The following CUEDC1 variants were observed in gnomAD, a reference collection of about 807,000 sequenced individuals.
The protein encoded by CUEDC1 is CUE domain-containing protein 1.
CUEDC1 carries 30 observed loss-of-function variants against 43.7 expected under a neutral mutation model. The observed-to-expected ratio is 0.69, with a 90% CI of 0.51 to 0.93. CUEDC1 has a LOEUF of 0.93. Ranked by LOEUF, CUEDC1 falls within the 40% of genes least tolerant of loss-of-function variation. The pLI is 0.00. For synonymous variants in CUEDC1, 223 were observed against 223.6 expected (o/e 1.00, Z 0.02); for missense variants, 486 against 549.0 (o/e 0.89, Z 1.15).
chr17:57,910,325 A>G (rs1027259222), intron 1 of CUEDC1, among the ~76,000 whole-genome samples: 3 of 152,202 alleles, frequency 2.0e-5, no homozygotes, highest in African/African-American at 7.2e-5. Flanking sequence ...AAGAAAAAGT[A>G]CACCTGAAAG....
intron 1 of CUEDC1, among the ~76,000 whole-genome samples, chr17:57,912,027 C>G (rs897475983): frequency 2.6e-5 from 4 of 152,206 alleles, no homozygotes; most frequent in Admixed American, 6.5e-5. Context: ...AGATAAAAAC[C>G]TCTTTTCTTC....
At chr17:57,867,166 AG>A in intron 9 of CUEDC1, 190 bp downstream of exon 9, 2 of 624,028 alleles carry the variant, frequency 3.2e-6, no homozygotes, top group Non-Finnish European at 5.8e-6. Context: ...GCCCCTTTTC[AG>A]GGGTTGCAGA....
At chr17:57,865,607 G>A (rs904440270) in intron 10 of CUEDC1, among the ~76,000 whole-genome samples, 1 of 152,138 alleles carries the variant, frequency 6.6e-6, no homozygotes, top group African/African-American at 2.4e-5. Flanking sequence ...AACTCCTGGA[G>A]GAGGCCTTGG....
chr17:57,953,196 C>A (rs1212301032), intron 1 of CUEDC1, among the ~76,000 whole-genome samples: 4 of 152,208 alleles, frequency 2.6e-5, no homozygotes, highest in Non-Finnish European at 5.9e-5. Context: ...GGATCTCACA[C>A]CCAGCTGAAA....
intron 1 of CUEDC1, among the ~76,000 whole-genome samples, chr17:57,892,263 C>T (rs1199502806): frequency 2.0e-5 from 3 of 152,208 alleles, no homozygotes; most frequent in African/African-American, 7.2e-5. Context: ...AGCCCAGTGA[C>T]GTGGACACAA....
chr17:57,868,338 C>T (rs1003339128), intron 7 of CUEDC1, 95 bp from the exon 8 acceptor site: 2 of 1,113,898 alleles, frequency 1.8e-6, no homozygotes, highest in African/African-American at 1.5e-5. Flanking sequence ...AGGACCAAGG[C>T]CCCCCGGAGA....
intron 1 of CUEDC1, among the ~76,000 whole-genome samples, chr17:57,949,590 TGAGGTAGGG>T (rs2074987700): frequency 6.9e-6 from 1 of 144,728 alleles, no homozygotes; most frequent in African/African-American, 2.6e-5. Flanking sequence ...TTTTTTTTTT[TGAGGTAGGG>T]TCTTGCTCTG....
chr17:57,897,541 G>A (rs1012534995), intron 1 of CUEDC1, among the ~76,000 whole-genome samples: 1 of 151,550 alleles, frequency 6.6e-6, no homozygotes, highest in African/African-American at 2.4e-5. Flanking sequence ...GTGGTGGCAG[G>A]CACCTGTAGT....
chr17:57,872,902 T>C lies in CUEDC1; in HGVS notation c.592-47A>G, dbSNP rs116871531. On this transcript the variant is annotated intron_variant, in intron 4 of 10. Coordinates refer to ENST00000577830, the MANE Select transcript of CUEDC1 (RefSeq NM_001271875.2). ...TTGAATGTGTACACACAAGGGTACATGTTGCACAAACGTCCACATCCCTCT... is the reference window on the plus strand; with the variant it reads ...TTGAATGTGTACACACAAGGGTACACGTTGCACAAACGTCCACATCCCTCT... The C allele has an allele frequency of 6.9e-3, 10,581 of 1,541,256 alleles. 47 individuals carry two copies. The highest frequency in any genetic ancestry group is 8.3e-3 in the Non-Finnish European group (9,375 of 1,128,924).
intron 3 of CUEDC1, among the ~76,000 whole-genome samples, chr17:57,874,960 C>A (rs1429754636): frequency 6.6e-6 from 1 of 152,114 alleles, no homozygotes; most frequent in Admixed American, 6.5e-5. Context: ...GCCAAGGGAA[C>A]CCCAGCACGC....
chr17:57,866,657 G>A, intron 9 of CUEDC1, 113 bp from the exon 10 acceptor site: 4 of 988,898 alleles, frequency 4.0e-6, no homozygotes. Flanking sequence ...CTTCATTTGG[G>A]ACCCATGCAG....
At chr17:57,910,052 G>A (rs1364091302) in intron 1 of CUEDC1, among the ~76,000 whole-genome samples, 2 of 152,142 alleles carry the variant, frequency 1.3e-5, no homozygotes, top group African/African-American at 2.4e-5. Flanking sequence ...GCAGTTGCAG[G>A]ACCATAGCTC....
rs567481606 is a variant in CUEDC1, at chr17:57,911,549, C to T, written c.-315-25670G>A. On this transcript the variant is annotated intron_variant, in intron 1 of 10. Transcript: ENST00000577830. ...ATGGGGTCTTGCTCTGTCACCCAGG[C>T]TGGAGTGCAGTGGTGCAATCTCAGC... Among the ~76,000 whole-genome samples, 204 of 152,302 alleles carry T rather than the reference C, an allele frequency of 1.3e-3. 1 individual carries two copies. The highest frequency in any genetic ancestry group is 4.8e-3 in the African/African-American group (198 of 41,554).
At chr17:57,953,728 C>T (rs2075029126) in intron 1 of CUEDC1, among the ~76,000 whole-genome samples, 1 of 152,222 alleles carries the variant, frequency 6.6e-6, no homozygotes, top group Non-Finnish European at 1.5e-5. Flanking sequence ...GCTGGGGATA[C>T]AGCCCTAGTC....
intron 1 of CUEDC1, among the ~76,000 whole-genome samples, chr17:57,933,149 C>G (rs2074825239): frequency 6.6e-6 from 1 of 152,132 alleles, no homozygotes; most frequent in Admixed American, 6.5e-5. Context: ...TAAAATTTAC[C>G]CCTGCCTGGG....
chr17:57,865,509 T>C (rs981207222), intron 10 of CUEDC1, among the ~76,000 whole-genome samples: 2 of 152,228 alleles, frequency 1.3e-5, no homozygotes, highest in African/African-American at 4.8e-5. Context: ...TGCTGCCCAC[T>C]GGGACCAAAC....
In CUEDC1 at chr17:57,863,091, G is replaced by A. The variant is rs2073904812; in HGVS notation, c.*198C>T. The A allele has an allele frequency of 6.6e-6, 1 of 152,584 alleles. No individual in the cohort carries two copies. Among genetic ancestry groups the A allele is most frequent in the South Asian group, 2.1e-4 (1 of 4,832 alleles). 9.5% of individuals were successfully genotyped at this position (152,584 alleles called of 1,614,324 possible). ...CCCAGGTCCTTCCTCCAATTGCAAG[G>A]CAGCAACTCCGAAGTTCTAAGTCCC... On this transcript the variant is annotated 3_prime_UTR_variant, in exon 11 of 11. Coordinates refer to ENST00000577830, the MANE Select transcript of CUEDC1 (RefSeq NM_001271875.2).
chr17:57,863,135 T>G lies in CUEDC1; in HGVS notation c.*154A>C, dbSNP rs1171769555. On this transcript the variant is annotated 3_prime_UTR_variant, in exon 11 of 11. Coordinates refer to ENST00000577830, the MANE Select transcript of CUEDC1 (RefSeq NM_001271875.2). ...AAGTCCCATGGAAAGTGGCAGTGGTTGGGCTGGACTGTGGCTGGAGGATCA... is the reference window on the plus strand; with the variant it reads ...AAGTCCCATGGAAAGTGGCAGTGGTGGGGCTGGACTGTGGCTGGAGGATCA... The G allele has an allele frequency of 6.6e-6, 1 of 152,666 alleles. No homozygotes were observed. The highest frequency in any genetic ancestry group is 1.5e-5 in the Non-Finnish European group (1 of 68,112). 9.5% of individuals were successfully genotyped at this position (152,666 alleles called of 1,614,324 possible).
At chr17:57,910,137 C>T (rs564696575) in intron 1 of CUEDC1, among the ~76,000 whole-genome samples, 5 of 152,208 alleles carry the variant, frequency 3.3e-5, no homozygotes, top group African/African-American at 7.2e-5. Context: ...CACAGGCACA[C>T]GCCACCATGG....
Sources: allele counts gnomAD v4.1 joint callset (sites outside exome capture counted in the v4.1 genomes callset), GRCh38; gene constraint gnomAD v4.1.1; transcripts MANE v1.5; gene names NCBI Gene and HGNC (gene_info 2026-07-23, HGNC 2026-07-21).